WWOX: variants seen among roughly 807,000 people sequenced by gnomAD.
WWOX encodes WW domain-containing oxidoreductase.
WWOX carries 69 observed loss-of-function variants against 46.2 expected under a neutral mutation model. The ratio of observed to expected loss-of-function variants is 1.49; its 90% confidence interval spans 1.23 to 1.82. The LOEUF is 1.82. Among genes scored for constraint, WWOX ranks in the 40% most tolerant of loss-of-function variants. The pLI, the probability that WWOX is intolerant of heterozygous loss-of-function variation, is 0.00. For synonymous variants in WWOX, 359 were observed against 202.6 expected, an observed-to-expected ratio of 1.77 and a Z score of -6.56; for missense variants, 919 against 542.6, an observed-to-expected ratio of 1.69 and a Z score of -6.89.
intron 8 of WWOX, among the ~76,000 whole-genome samples, chr16:78,517,064 T>C (rs1371066119): frequency 6.6e-6 from 1 of 152,230 alleles, no homozygotes; most frequent in African/African-American, 2.4e-5. Context: ...TAAAGTTTTA[T>C]GAAAAAGTCT....
intron 5 of WWOX, among the ~76,000 whole-genome samples, chr16:78,197,246 G>C (rs952669421): frequency 2.0e-5 from 3 of 152,116 alleles, no homozygotes; most frequent in Admixed American, 1.3e-4. Context: ...CCCAGATTGA[G>C]GGCCATCTGA....
chr16:79,211,326 G>A lies in WWOX; in HGVS notation c.1057-282G>A, dbSNP rs145448635. ...TCTGTGTGGAAGAGGCGCCTGCCAC[G>A]ACGTATTGATATGTGTATTTATTTT... On this transcript the variant is annotated intron_variant, in intron 8 of 8. Coordinates refer to ENST00000566780, the MANE Select transcript of WWOX (RefSeq NM_016373.4). Among the ~76,000 whole-genome samples the A allele has an allele frequency of 1.3e-3, 201 of 152,276 alleles. 1 individual carries two copies. Among genetic ancestry groups the A allele is most frequent in the Middle Eastern group, 0.01 (3 of 294 alleles).
intron 8 of WWOX, chr16:78,551,435 C>G (rs2044169618): frequency 6.6e-6 from 1 of 152,116 alleles, no homozygotes; most frequent in African/African-American, 2.4e-5. Context: ...GAATATTGCC[C>G]TGATGTCTGG....
intron 8 of WWOX, among the ~76,000 whole-genome samples, chr16:78,541,737 C>G (rs1360782100): frequency 1.3e-5 from 2 of 151,868 alleles, no homozygotes; most frequent in East Asian, 1.9e-4. Flanking sequence ...GTGGCAGTTA[C>G]AATAATACCC....
chr16:78,395,112 A>G (rs2082256319), intron 6 of WWOX, among the ~76,000 whole-genome samples: 2 of 152,224 alleles, frequency 1.3e-5, no homozygotes, highest in Admixed American at 1.3e-4. Context: ...GATCTTAGAA[A>G]GGTTTCTGAG....
intron 8 of WWOX, among the ~76,000 whole-genome samples, chr16:78,453,269 C>T (rs923402235): frequency 6.6e-6 from 1 of 151,774 alleles, no homozygotes; most frequent in Non-Finnish European, 1.5e-5. Context: ...ACTAAAAGTA[C>T]AGAAATTAGT....
At chr16:78,833,393 G>A (rs1420834615) in intron 8 of WWOX, among the ~76,000 whole-genome samples, 1 of 151,466 alleles carries the variant, frequency 6.6e-6, no homozygotes, top group Admixed American at 6.6e-5. Context: ...TAATGTGGCT[G>A]TTCTCATGTT....
chr16:78,479,628 A>T (rs1355337324), intron 8 of WWOX, among the ~76,000 whole-genome samples: 1 of 152,184 alleles, frequency 6.6e-6, no homozygotes, highest in African/African-American at 2.4e-5. Context: ...CGTTGCCTCC[A>T]AGGAGGAAAC....
At chr16:79,009,560 T>C (rs1355600498) in intron 8 of WWOX, among the ~76,000 whole-genome samples, 4 of 151,980 alleles carry the variant, frequency 2.6e-5, no homozygotes, top group African/African-American at 9.7e-5. Flanking sequence ...CTCTGCCTCC[T>C]GGGTTCAAGC....
chr16:78,513,892 AC>A (rs1431117440), intron 8 of WWOX, among the ~76,000 whole-genome samples: 1 of 119,558 alleles, frequency 8.4e-6, no homozygotes, highest in Non-Finnish European at 1.6e-5. Flanking sequence ...TACAGTTCCC[AC>A]TCCCCCCCCC....
At chr16:79,090,914 C>G (rs528584502) in intron 8 of WWOX, among the ~76,000 whole-genome samples, 4 of 152,226 alleles carry the variant, frequency 2.6e-5, no homozygotes, top group African/African-American at 9.6e-5. Context: ...CTGCCTCAGC[C>G]TCCCAAGAAG....
At chr16:79,160,030 T>A (rs998562497) in intron 8 of WWOX, among the ~76,000 whole-genome samples, 2 of 152,214 alleles carry the variant, frequency 1.3e-5, no homozygotes, top group Non-Finnish European at 2.9e-5. Flanking sequence ...GCAAAATTCC[T>A]GACAAATGTC....
intron 5 of WWOX, among the ~76,000 whole-genome samples, chr16:78,263,423 AC>A (rs1325404884): frequency 1.3e-5 from 2 of 152,198 alleles, no homozygotes; most frequent in African/African-American, 4.8e-5. Context: ...CCTGAAGTGC[AC>A]AGAGAAGAGG....
chr16:79,024,452 G>C (rs2047596433), intron 8 of WWOX, among the ~76,000 whole-genome samples: 1 of 151,750 alleles, frequency 6.6e-6, no homozygotes, highest in Non-Finnish European at 1.5e-5. Context: ...TCTTTGTTTT[G>C]AGACGGAGTT....
At chr16:78,707,948 C>G (rs1271577699) in intron 8 of WWOX, among the ~76,000 whole-genome samples, 1 of 152,138 alleles carries the variant, frequency 6.6e-6, no homozygotes, top group Non-Finnish European at 1.5e-5. Context: ...GTGGTTTTTG[C>G]CATTACTTTT....
intron 8 of WWOX, among the ~76,000 whole-genome samples, chr16:78,438,108 A>G (rs142822766): frequency 6.6e-6 from 1 of 152,292 alleles, no homozygotes; most frequent in African/African-American, 2.4e-5. Context: ...ACACTTCCAA[A>G]TAGAGATGCA....
At chr16:78,781,020 A>C (rs1233902711) in intron 8 of WWOX, among the ~76,000 whole-genome samples, 1 of 152,094 alleles carries the variant, frequency 6.6e-6, no homozygotes, top group Middle Eastern at 3.2e-3. Flanking sequence ...CTCCTCTGCC[A>C]CCTCTCCACA....
At chr16:78,393,473 AC>A (rs1156912116) in intron 6 of WWOX, among the ~76,000 whole-genome samples, 1 of 151,524 alleles carries the variant, frequency 6.6e-6, no homozygotes, top group African/African-American at 2.4e-5. Context: ...AGCCTGGGCA[AC>A]GTAGTGAGAC....
intron 8 of WWOX, among the ~76,000 whole-genome samples, chr16:78,449,788 G>T (rs542121513): frequency 4.6e-5 from 7 of 152,228 alleles, no homozygotes; most frequent in African/African-American, 1.2e-4. Context: ...CTTTCATGTT[G>T]CTTTAGTAGA....
Sources: allele counts gnomAD v4.1 joint callset (sites outside exome capture counted in the v4.1 genomes callset), GRCh38; gene constraint gnomAD v4.1.1; transcripts MANE v1.5; gene names NCBI Gene and HGNC (gene_info 2026-07-23, HGNC 2026-07-21).